PPARG: variants seen among roughly 807,000 people sequenced by gnomAD.
PPARG encodes the protein peroxisome proliferator-activated receptor gamma.
Under a neutral mutation model 39.2 loss-of-function variants are expected in PPARG, and 17 were observed. The ratio of observed to expected loss-of-function variants is 0.43; its 90% CI spans 0.30 to 0.65. The LOEUF (loss-of-function observed/expected upper bound fraction) is 0.65, where lower values mean the gene tolerates loss of function less well. Among genes scored for constraint, PPARG ranks in the 30% least tolerant of loss-of-function variants. The pLI is 0.13. For synonymous variants in PPARG, 223 were observed against 215.7 expected (o/e 1.03, Z -0.30); for missense variants, 406 against 585.9 (o/e 0.69, Z 3.17).
At chr3:12,410,910 G>T (rs2050859920) in intron 6 of PPARG, among the ~76,000 whole-genome samples, 1 of 152,138 alleles carries the variant, frequency 6.6e-6, no homozygotes, top group Admixed American at 6.5e-5. Context: ...GCCCGACTGA[G>T]CTGGAATTTG....
intron 3 of PPARG, 89 bp downstream of exon 3, chr3:12,380,020 C>A (rs1295094400): frequency 1.8e-6 from 2 of 1,124,944 alleles, no homozygotes; most frequent in Non-Finnish European, 2.7e-6. Context: ...GCTCCAGAGA[C>A]TAGAAATCTA....
intron 7 of PPARG, among the ~76,000 whole-genome samples, chr3:12,430,209 T>C (rs952272895): frequency 6.6e-6 from 1 of 152,224 alleles, no homozygotes; most frequent in Non-Finnish European, 1.5e-5. Flanking sequence ...CTTCATTGTG[T>C]AGGGATTCTG....
intron 2 of PPARG, among the ~76,000 whole-genome samples, chr3:12,376,256 A>AT (rs1426965163): frequency 1.3e-5 from 2 of 152,098 alleles, no homozygotes; most frequent in Non-Finnish European, 2.9e-5. Context: ...GCCTCAGGGC[A>AT]TTTTTTCTTA....
intron 4 of PPARG, among the ~76,000 whole-genome samples, chr3:12,388,100 C>A (rs910258443): frequency 1.3e-5 from 2 of 152,086 alleles, no homozygotes; most frequent in African/African-American, 4.8e-5. Context: ...TGGCAAACAT[C>A]AGGATTTTCA....
chr3:12,362,615 T>A lies in PPARG; in HGVS notation c.-8-17089T>A, dbSNP rs2048885888. Among the ~76,000 whole-genome samples, 4 of 152,046 alleles carry A rather than the reference T, an allele frequency of 2.6e-5. No individual in the cohort carries two copies. In the South Asian group the frequency reaches 8.3e-4, roughly 32 times the overall value. ...ATACAGTCATGTCATCTGTAAGTAA[T>A]GTTAGTTTTAGTTTTATTTCTTCTT... On this transcript the variant is annotated intron_variant, in intron 2 of 7. Transcript: ENST00000651735.
chr3:12,333,713 G>A (rs2047927569), intron 2 of PPARG, among the ~76,000 whole-genome samples: 1 of 152,112 alleles, frequency 6.6e-6, no homozygotes, highest in African/African-American at 2.4e-5. Flanking sequence ...CTTCCTTTCT[G>A]TGTGCTCGTT....
At position 12,321,476 on chromosome 3, in the gene PPARG, G is replaced by A. The variant is rs564913039; in HGVS notation, c.-9+9023G>A. Among the ~76,000 whole-genome samples, 16 of 152,228 alleles carry A rather than the reference G, an allele frequency of 1.1e-4. No homozygotes were observed. In the South Asian group the frequency reaches 3.3e-3, roughly 32 times the overall value. ...GCGGAGGGAGACAGAAAATCTTTCT[G>A]TATAGGAACCTACTGATCGCTGCTA... is the stretch of plus-strand genomic sequence containing the variant. On this transcript the variant is annotated intron_variant, in intron 2 of 7. Coordinates refer to ENST00000651735, the MANE Select transcript of PPARG (RefSeq NM_138711.6).
chr3:12,315,613 A>G (rs2047368176), intron 2 of PPARG, among the ~76,000 whole-genome samples: 1 of 152,234 alleles, frequency 6.6e-6, no homozygotes, highest in South Asian at 2.1e-4. Context: ...CTTAGAACAG[A>G]GTAATGCAGG....
At position 12,416,845 on chromosome 3, in the gene PPARG, G is replaced by C; in HGVS notation, c.871G>C (p.Val291Leu). 6.2e-7 allele frequency: 1 copy of C among 1,614,184 alleles called. No homozygotes were observed. The highest frequency in any genetic ancestry group is 8.5e-7 in the Non-Finnish European group (1 of 1,180,010). The change falls in exon 7 of 8, where the codon GTG becomes CTG. Residue 291 changes from valine to leucine, a missense_variant. Coordinates refer to ENST00000651735, the MANE Select transcript of PPARG (RefSeq NM_138711.6). ...CTGCCAGTTTCGCTCCGTGGAGGCT[G>C]TGCAGGAGATCACAGAGTATGCCAA... ...QGCQFRSVEA[V>L]QEITEYAKSI...
At chr3:12,385,617 G>T (rs1032879281) in intron 4 of PPARG, among the ~76,000 whole-genome samples, 1 of 151,928 alleles carries the variant, frequency 6.6e-6, no homozygotes, top group African/African-American at 2.4e-5. Context: ...AACCATAGCC[G>T]TACCTAAAGA....
intron 2 of PPARG, among the ~76,000 whole-genome samples, chr3:12,362,658 C>T (rs1559508088): frequency 6.6e-6 from 1 of 151,814 alleles, no homozygotes; most frequent in Non-Finnish European, 1.5e-5. Flanking sequence ...TATTCTTTGT[C>T]TTTTTCCTTT....
intron 2 of PPARG, among the ~76,000 whole-genome samples, chr3:12,358,496 T>C (rs2125110869): frequency 6.6e-6 from 1 of 152,342 alleles, no homozygotes; most frequent in South Asian, 2.1e-4. Flanking sequence ...ATTATTCTTA[T>C]TATTTTGCTT....
At chr3:12,347,853 C>CT (rs534164982) in intron 2 of PPARG, among the ~76,000 whole-genome samples, 14 of 152,176 alleles carry the variant, frequency 9.2e-5, no homozygotes, top group Non-Finnish European at 2.1e-4. Context: ...ACCAGGGACT[C>CT]TGCTAGGTTC....
intron 6 of PPARG, among the ~76,000 whole-genome samples, chr3:12,414,530 G>GTTTT (rs2050993211): frequency 1.3e-5 from 2 of 152,140 alleles, no homozygotes; most frequent in South Asian, 4.2e-4. Context: ...ACTGTAAAAT[G>GTTTT]CCTGGAGGAC....
At chr3:12,362,539 A>G (rs1463755187) in intron 2 of PPARG, among the ~76,000 whole-genome samples, 19 of 147,512 alleles carry the variant, frequency 1.3e-4, no homozygotes, top group African/African-American at 4.9e-4. Flanking sequence ...AAATAAATAA[A>G]TAAATAAATA....
At chr3:12,322,816 T>G (rs9882725) in intron 2 of PPARG, among the ~76,000 whole-genome samples, 1,973 of 152,168 alleles carry the variant, frequency 0.013, 35 homozygotes, top group African/African-American at 0.045. Flanking sequence ...TTGTTTGTTT[T>G]TTTCAGACAG....
At chr3:12,417,597 C>T (rs570226829) in intron 7 of PPARG, among the ~76,000 whole-genome samples, 5 of 152,094 alleles carry the variant, frequency 3.3e-5, no homozygotes, top group Non-Finnish European at 5.9e-5. Context: ...CCTGCCCCAC[C>T]ATCAGTAAGA....
chr3:12,360,978 T>A (rs562871168), intron 2 of PPARG, among the ~76,000 whole-genome samples: 1 of 152,290 alleles, frequency 6.6e-6, no homozygotes, highest in Admixed American at 6.5e-5. Context: ...CAGGAGACGT[T>A]GCCAACAGTT....
Position 12,392,569 on chromosome 3 carries a change from G to A in PPARG, c.391-45G>A, listed in dbSNP as rs766446556. 5 of 1,609,672 alleles carry A rather than the reference G, an allele frequency of 3.1e-6. No individual in the cohort carries two copies. In the South Asian group the frequency reaches 4.4e-5, roughly 14 times the overall value. On this transcript the variant is annotated intron_variant, in intron 4 of 7. Coordinates refer to ENST00000651735, the MANE Select transcript of PPARG (RefSeq NM_138711.6). The stretch of plus-strand genomic sequence containing the variant: ...TTTCGCTGTAGGTTGCTGCTTCCAT[G>A]TGTCATAAAGACTTAAAATTTGCTT...
Sources: gnomAD v4.1 joint callset for allele counts (sites outside exome capture counted in the v4.1 genomes callset) on GRCh38, gnomAD v4.1.1 for gene constraint, MANE v1.5 for transcripts, NCBI Gene and HGNC (gene_info 2026-07-23, HGNC 2026-07-21) for gene names.